FLNA: variants seen among roughly 807,000 people sequenced by gnomAD.
The protein encoded by FLNA is filamin-A.
FLNA carries 7 observed loss-of-function variants against 157.6 expected under a neutral mutation model. The ratio of observed to expected loss-of-function variants is 0.04; its 90% CI spans 0.03 to 0.08. FLNA has a LOEUF of 0.08. FLNA is among the 10% of genes least tolerant of loss of function. FLNA has a pLI of 1.00. For synonymous variants in FLNA, 1,103 were observed against 1,060.8 expected, an observed-to-expected ratio of 1.04 and a Z score of -0.77; for missense variants, 1,750 against 2,398.4, an observed-to-expected ratio of 0.73 and a Z score of 5.65.
At chrX:154,363,440 C>T (rs1359374576) in intron 15 of FLNA, among the ~76,000 whole-genome samples, 3 of 107,372 alleles carry the variant, frequency 2.8e-5, no homozygotes, top group Non-Finnish European at 3.8e-5. Context: ...CCAGGATGGG[C>T]GCGGTGGCTC....
At position 154,353,422 on chromosome X, in the gene FLNA, C is replaced by T. The variant is rs782176193; in HGVS notation, c.5896G>A (p.Gly1966Ser). Reference sequence around the variant, plus strand: ...TTGATGGGGATGTCGGCAGCAGAGCCGACCTTTAGGTGGGACATACGCATG... The same window carrying T: ...TTGATGGGGATGTCGGCAGCAGAGCTGACCTTTAGGTGGGACATACGCATG... Reference protein sequence around the residue: ...DSMRMSHLKVGSAADIPINIS... With the variant: ...DSMRMSHLKVSSAADIPINIS... The change falls in exon 37 of 48, where the codon GGC becomes AGC. Residue 1966 changes from glycine to serine, a missense_variant. Physicochemically the swap from Gly to Ser is moderately conservative, Grantham distance 56 (BLOSUM62 0). Transcript: ENST00000369850. 5 of 1,211,609 alleles carry T rather than the reference C, an allele frequency of 4.1e-6. No homozygotes were observed. Among genetic ancestry groups the T allele is most frequent in the Non-Finnish European group, 5.6e-6 (5 of 895,555 alleles).
intron 1 of FLNA, among the ~76,000 whole-genome samples, chrX:154,372,690 C>T (rs1262019688): frequency 1.8e-5 from 2 of 108,477 alleles, no homozygotes; most frequent in Non-Finnish European, 3.8e-5. Flanking sequence ...TCTCAGTCCT[C>T]GGTACCTCCC....
intron 32 of FLNA, 52 bp from the exon 33 acceptor site, chrX:154,354,535 C>T (rs1557176478): frequency 8.5e-7 from 1 of 1,169,803 alleles, no homozygotes; most frequent in Non-Finnish European, 1.2e-6. Flanking sequence ...GATCTGGGGT[C>T]CCTCCTCACA....
intron 2 of FLNA, among the ~76,000 whole-genome samples, chrX:154,369,598 G>A (rs2067789548): frequency 9.6e-6 from 1 of 103,946 alleles, no homozygotes; most frequent in South Asian, 4.3e-4. Flanking sequence ...ATATGGCAAA[G>A]CTCTGGGAAC....
intron 23 of FLNA, 29 bp from the exon 24 acceptor site, chrX:154,359,675 A>T (rs782707324): frequency 3.1e-5 from 38 of 1,208,786 alleles, no homozygotes; most frequent in Non-Finnish European, 4.2e-5. Context: ...GGTCAGGAGG[A>T]GCCCGGGCCA....
Position 154,364,323 on chromosome X carries a change from T to C in FLNA, c.2072A>G (p.Lys691Arg). The change falls in exon 14 of 48, where the codon AAG (lysine) becomes AGG (arginine). Residue 691 changes from lysine (K) to arginine (R), a missense_variant. Transcript: ENST00000369850. ...GLEKTGVAVN[K>R]PAEFTVDAKH... ...GGCATCCACTGTGAACTCTGCTGGCTTGTTGACGGCCACACCTGTCTTCTC... is the reference window on the plus strand; with the variant it reads ...GGCATCCACTGTGAACTCTGCTGGCCTGTTGACGGCCACACCTGTCTTCTC... 8.3e-7 allele frequency: 1 copy of C among 1,211,329 alleles called. No homozygotes were observed. The highest frequency in any genetic ancestry group is 1.1e-6 in the Non-Finnish European group (1 of 895,466).
Position 154,361,076 on chromosome X carries a change from A to AAAAG in FLNA, c.3207+228_3207+231dup, listed in dbSNP as rs1569551712. ...AAAAAAAAAAAAAAAAAAAAAAAAA[A>AAAAG]AAAGAAAGAAAAAAAAAAAAAAGAA... On this transcript the variant is annotated intron_variant, in intron 21 of 47. Transcript: ENST00000369850. 3.6e-3 allele frequency among the ~76,000 whole-genome samples: 318 copies of AAAAG among 88,749 alleles called. 2 individuals are homozygous for AAAAG. Among genetic ancestry groups the AAAAG allele is most frequent in the Non-Finnish European group, 5.9e-3 (261 of 44,426 alleles). 77.1% of individuals were successfully genotyped at this position (88,749 alleles called of 115,157 possible). A position where few individuals can be genotyped will look rare whatever the true frequency, so the allele number is the denominator to read the frequency against.
rs1295824950 is a variant in FLNA, at chrX:154,370,107, G to A, written c.373+766C>T. Among the ~76,000 whole-genome samples the A allele has an allele frequency of 2.7e-5, 3 of 111,915 alleles. No homozygotes were observed. In the Admixed American group the frequency reaches 2.8e-4, roughly 11 times the overall value. On this transcript the variant is annotated intron_variant, in intron 2 of 47. Transcript: ENST00000369850. ...TCCAGTCCAGTGACACAGACACTGG[G>A]CTGGCACAATGCACGCTGGAGCATC...
chrX:154,370,204 GAA>G (rs2067794302), intron 2 of FLNA, among the ~76,000 whole-genome samples: 4 of 112,772 alleles, frequency 3.5e-5, no homozygotes, highest in African/African-American at 1.3e-4. Flanking sequence ...GGCCCAAGAT[GAA>G]GAGAAAAGTT....
Position 154,352,589 on chromosome X carries a change from C to T in FLNA, c.6466G>A (p.Val2156Ile), listed in dbSNP as rs367655833. The T allele has an allele frequency of 1.4e-5, 17 of 1,210,487 alleles. No individual in the cohort carries two copies. Among genetic ancestry groups the T allele is most frequent in the African/African-American group, 1.0e-4 (6 of 57,534 alleles). ...AGGCTGAGGTCACAATGACTACCAACGTTGGCCACTGAAGGAGCCCGACGC... is the reference window on the plus strand; with the variant it reads ...AGGCTGAGGTCACAATGACTACCAATGTTGGCCACTGAAGGAGCCCGACGC... ...RRRRAPSVAN[V>I]GSHCDLSLKI... Residue 2156 changes from valine to isoleucine, a missense_variant, in exon 40 of 48, where the codon GTT (valine) becomes ATT (isoleucine). Around this residue, in one of 5 missense-constraint regions of FLNA, gnomAD observed 970 missense variants for 1,302.6 expected, o/e 0.74. Transcript: ENST00000369850.
rs782657089 is a variant in FLNA at position 154,367,996 on chromosome X, G to A, written c.468C>T (p.Asp156=). Residue 156 remains aspartate (D), a synonymous_variant, in exon 3 of 48, where the codon GAC becomes GAT. Transcript: ENST00000369850. ...LHYSISMPMW[D]EEEDEEAKKQ... ...TCTTGGCCTCCTCATCCTCCTCCTC[G>A]TCCCACATGGGCATGGAGATGGAGT... 5.8e-6 allele frequency: 7 copies of A among 1,206,965 alleles called. No homozygotes were observed. The highest frequency in any genetic ancestry group is 1.8e-5 in the South Asian group (1 of 56,737).
chrX:154,350,309 G>A (rs1312242734), intron 44 of FLNA, 102 bp from the exon 45 acceptor site: 22 of 805,913 alleles, frequency 2.7e-5, no homozygotes, highest in Non-Finnish European at 3.9e-5. Flanking sequence ...CCATTTTGCC[G>A]GTCCATCAGT....
In FLNA at chrX:154,353,683, T is replaced by G; in HGVS notation, c.5731A>C (p.Ser1911Arg). ...AIEGPSKAEI[S>R]CTDNQDGTCS... Reference sequence around the variant, plus strand: ...GTCCCATCCTGGTTGTCAGTGCAGCTGATTTCTGCTTTGGACGGGCCCTCA... The same window carrying G: ...GTCCCATCCTGGTTGTCAGTGCAGCGGATTTCTGCTTTGGACGGGCCCTCA... The change falls in exon 36 of 48, where the codon AGC becomes CGC. Residue 1911 changes from serine to arginine, a missense_variant. Around this residue, in one of 5 missense-constraint regions of FLNA, gnomAD observed 970 missense variants for 1,302.6 expected, o/e 0.74. Transcript: ENST00000369850. 1.7e-6 allele frequency: 2 copies of G among 1,211,644 alleles called. No individual in the cohort carries two copies. The highest frequency in any genetic ancestry group is 2.2e-6 in the Non-Finnish European group (2 of 895,383).
Position 154,349,708 on chromosome X carries a change from G to C in FLNA, c.7493C>G (p.Ser2498Cys), listed in dbSNP as rs1557175356. ...TPMAPGSYLI[S>C]IKYGGPYHIG... The stretch of plus-strand genomic sequence containing the variant: ...GTGGTAGGGGCCGCCGTACTTGATG[G>C]AGATGAGGTAGCTGCCAGGTGCCAT... Residue 2498 changes from serine to cysteine, a missense_variant, in exon 46 of 48, where the codon TCC (serine) becomes TGC (cysteine). Transcript: ENST00000369850. 2 of 1,212,093 alleles carry C rather than the reference G, an allele frequency of 1.7e-6. No homozygotes were observed. The highest frequency in any genetic ancestry group is 4.3e-5 in the Admixed American group (2 of 46,170).
Position 154,371,364 on chromosome X carries a change from G to A in FLNA, c.-116-3C>T. On this transcript the variant is annotated splice_region_variant and splice_polypyrimidine_tract_variant and intron_variant, in intron 1 of 47. Transcript: ENST00000369850. ...CGAGGCAGGGAGCAGAGGTTGCGCTGCGGAGAGAGCGAGCCCTTTAAATGC... is the reference window on the plus strand; with the variant it reads ...CGAGGCAGGGAGCAGAGGTTGCGCTACGGAGAGAGCGAGCCCTTTAAATGC... 6 of 937,126 alleles carry A rather than the reference G, an allele frequency of 6.4e-6. No individual in the cohort carries two copies. Among genetic ancestry groups the A allele is most frequent in the Non-Finnish European group, 8.7e-6 (6 of 685,846 alleles). The allele number at this position is 937,126 out of a possible 1,213,427, so 77.2% of individuals were successfully genotyped here.
intron 46 of FLNA, 37 bp downstream of exon 46, chrX:154,349,612 C>T (rs2067603364): frequency 1.7e-6 from 2 of 1,209,708 alleles, no homozygotes; most frequent in Admixed American, 2.2e-5. Context: ...TGGTGCCGGG[C>T]GTTGGGCAGA....
At position 154,360,222 on chromosome X, in the gene FLNA, C is replaced by T. The variant is rs782300292; in HGVS notation, c.3573G>A (p.Ala1191=). ...CCGAGCAGATCTCAATGGTCAGCTC[C>T]GCGCTGCCCGCGCTCGAGCAGTCCA... is the stretch of plus-strand genomic sequence containing the variant. ...FQVDCSSAGS[A]ELTIEICSEA... Residue 1191 remains alanine (A), a synonymous_variant, in exon 22 of 48, where the codon GCG becomes GCA. Transcript: ENST00000369850. 22 of 1,210,752 alleles carry T rather than the reference C, an allele frequency of 1.8e-5. No homozygotes were observed. The highest frequency in any genetic ancestry group is 1.2e-4 in the East Asian group (4 of 33,806).
intron 13 of FLNA, 29 bp from the exon 14 acceptor site, chrX:154,364,401 G>T: frequency 1.2e-5 from 14 of 1,197,763 alleles, no homozygotes; most frequent in Non-Finnish European, 1.6e-5. Context: ...GCTGTCAGGG[G>T]GCCAGGTCCA....
Position 154,370,874 on chromosome X carries a change from G to A in FLNA, c.372C>T (p.Ile124=), listed in dbSNP as rs782616358. The part of the protein sequence containing the change: ...LDRESIKLVS[I]DSKAIVDGNL... ...CCGGCGCTTCGGGGCGTCCCTCACCGATGGACACCAGTTTGATGCTCTCGC... is the reference window on the plus strand; with the variant it reads ...CCGGCGCTTCGGGGCGTCCCTCACCAATGGACACCAGTTTGATGCTCTCGC... Residue 124 remains isoleucine, a splice_region_variant and synonymous_variant, in exon 2 of 48, where the codon ATC becomes ATT. Coordinates refer to ENST00000369850, the MANE Select transcript of FLNA (RefSeq NM_001110556.2). 3 of 1,210,112 alleles carry A rather than the reference G, an allele frequency of 2.5e-6. No homozygotes were observed. Among genetic ancestry groups the A allele is most frequent in the Non-Finnish European group, 3.4e-6 (3 of 894,764 alleles).
Sources: gnomAD v4.1 joint callset for allele counts (sites outside exome capture counted in the v4.1 genomes callset) on GRCh38, gnomAD v4.1.1 for gene constraint, gnomAD v4.1.1 regional missense constraint, MANE v1.5 for transcripts, NCBI Gene and HGNC (gene_info 2026-07-23, HGNC 2026-07-21) for gene names.